KLRG1: variants seen among roughly 807,000 people sequenced by gnomAD.
KLRG1 encodes the protein killer cell lectin-like receptor subfamily G member 1.
A neutral mutation model predicts 21.8 loss-of-function variants in KLRG1; 16 were observed. That is an observed-to-expected ratio of 0.73 (90% CI 0.50 to 1.11). The LOEUF is 1.11. Among genes scored for constraint, KLRG1 ranks in the 50% most tolerant of loss-of-function variants. The pLI, the probability that KLRG1 is intolerant of heterozygous loss-of-function variation, is 0.00. For missense variants in KLRG1, 173 were observed against 218.3 expected, an observed-to-expected ratio of 0.79 and a Z score of 1.31; for synonymous variants, 69 against 75.9, an observed-to-expected ratio of 0.91 and a Z score of 0.47.
At chr12:9,177,895 C>T in the KLRG1 span, among the ~76,000 whole-genome samples, 2 of 152,142 alleles carry the variant, frequency 1.3e-5, no homozygotes, top group Non-Finnish European at 2.9e-5. Context: ...ATAGCTTAGA[C>T]TAGACTTCCA....
the KLRG1 span, chr12:9,067,664 G>A: frequency 4.1e-6 from 3 of 735,808 alleles, no homozygotes; most frequent in Admixed American, 4.0e-5. Flanking sequence ...GAATCATATG[G>A]AAATGTACAA....
the KLRG1 span, among the ~76,000 whole-genome samples, chr12:9,148,632 A>G: frequency 3.2e-4 from 48 of 152,228 alleles, no homozygotes; most frequent in Admixed American, 3.1e-3. Flanking sequence ...CCACGTTTAT[A>G]TTATCTATCA....
the KLRG1 span, chr12:9,112,419 A>G: frequency 6.2e-7 from 1 of 1,613,724 alleles, no homozygotes; most frequent in Non-Finnish European, 8.5e-7. Context: ...GTCTGGACAA[A>G]GACCAGACTG....
the KLRG1 span, among the ~76,000 whole-genome samples, chr12:9,159,702 C>T: frequency 1.3e-5 from 2 of 151,638 alleles, 1 homozygote; most frequent in African/African-American, 4.9e-5. Context: ...ATATGATGCC[C>T]TGCATCACCG....
chr12:9,109,289 C>A, the KLRG1 span: 1 of 1,531,132 alleles, frequency 6.5e-7, no homozygotes. Context: ...TTAAATAATC[C>A]CCCACAAAAG....
chr12:9,110,252 TAAG>T, the KLRG1 span: 1 of 1,324,706 alleles, frequency 7.5e-7, no homozygotes, highest in Admixed American at 2.4e-5. Context: ...ACCTCTGAAA[TAAG>T]AACATTTTCC....
chr12:8,977,495 T>G (rs1565540813), intron 1 of KLRG1, among the ~76,000 whole-genome samples: 1 of 151,814 alleles, frequency 6.6e-6, no homozygotes, highest in African/African-American at 2.4e-5. Flanking sequence ...ATTACAGGCA[T>G]GAGCCACCAC....
At chr12:9,156,363 C>T in the KLRG1 span, 3 of 190,004 alleles carry the variant, frequency 1.6e-5, no homozygotes, top group Non-Finnish European at 3.5e-5. Flanking sequence ...CACAGTCCTT[C>T]CTCCATCTCT....
At chr12:9,129,534 T>C in the KLRG1 span, among the ~76,000 whole-genome samples, 11 of 152,068 alleles carry the variant, frequency 7.2e-5, no homozygotes, top group African/African-American at 2.2e-4. Flanking sequence ...TATAATAATA[T>C]ATATGAAGAT....
chr12:9,065,824 A>C, the KLRG1 span: 1 of 152,422 alleles, frequency 6.6e-6, no homozygotes, highest in East Asian at 1.9e-4. Context: ...AAAATCCCCC[A>C]GACTCAGCTA....
upstream of KLRG1, among the ~76,000 whole-genome samples, chr12:8,986,571 C>G (rs1197611516): frequency 6.6e-6 from 1 of 151,836 alleles, no homozygotes; most frequent in East Asian, 1.9e-4. Context: ...CTGATATGCT[C>G]CCATCTTTTT....
the KLRG1 span, chr12:9,127,955 G>T: frequency 3.0e-6 from 1 of 328,542 alleles, no homozygotes. Flanking sequence ...GGATTGTCTT[G>T]CAGATTGACA....
At chr12:9,016,517 G>A in the KLRG1 span, among the ~76,000 whole-genome samples, 1 of 152,182 alleles carries the variant, frequency 6.6e-6, no homozygotes, top group South Asian at 2.1e-4. Context: ...GTAACAAAAT[G>A]TCTCCCAGGA....
At chr12:9,193,087 T>C in the KLRG1 span, among the ~76,000 whole-genome samples, 6 of 152,232 alleles carry the variant, frequency 3.9e-5, no homozygotes, top group Admixed American at 1.3e-4. Context: ...ATTGGCTTAA[T>C]TAAAATTAGG....
At chr12:9,061,354 G>C in the KLRG1 span, among the ~76,000 whole-genome samples, 2 of 152,004 alleles carry the variant, frequency 1.3e-5, no homozygotes, top group Non-Finnish European at 2.9e-5. Context: ...TGCACTCCTG[G>C]CCTCAAGCAA....
the KLRG1 span, chr12:9,164,252 A>G: frequency 6.2e-7 from 1 of 1,613,028 alleles, no homozygotes; most frequent in Non-Finnish European, 8.5e-7. Context: ...TTTCAGCTGC[A>G]CACTGACCTA....
At chr12:8,972,272 C>T (rs1946582566) in intron 1 of KLRG1, among the ~76,000 whole-genome samples, 2 of 152,206 alleles carry the variant, frequency 1.3e-5, no homozygotes, top group South Asian at 4.1e-4. Flanking sequence ...ATTCTCCTGC[C>T]TCAGCCTCCC....
At chr12:9,164,344 C>A in the KLRG1 span, 1 of 1,424,030 alleles carries the variant, frequency 7.0e-7, no homozygotes, top group Non-Finnish European at 9.6e-7. Context: ...GTGTGAGATG[C>A]TGCAGTAAAT....
chr12:9,148,877 T>C, the KLRG1 span: 3 of 1,100,890 alleles, frequency 2.7e-6, no homozygotes, highest in Admixed American at 4.2e-5. Context: ...CAGCAAATAT[T>C]TTTAGTGTCT....
Sources: allele counts gnomAD v4.1 joint callset (sites outside exome capture counted in the v4.1 genomes callset), GRCh38; gene constraint gnomAD v4.1.1; transcripts MANE v1.5; gene names NCBI Gene and HGNC (gene_info 2026-07-23, HGNC 2026-07-21).